Variants in ATP13A5 observed in about 807,000 individuals in gnomAD.
The protein encoded by ATP13A5 is probable cation-transporting ATPase 13A5.
ATP13A5 carries 149 observed loss-of-function variants against 150.2 expected under a neutral mutation model. The observed-to-expected ratio is 0.99, with a 90% CI of 0.87 to 1.14. The LOEUF (loss-of-function observed/expected upper bound fraction) is 1.14, where lower values mean the gene tolerates loss of function less well. ATP13A5 is among the 50% of genes most tolerant of loss of function. ATP13A5 has a pLI of 0.00. For synonymous variants in ATP13A5, 497 were observed against 522.2 expected, an observed-to-expected ratio of 0.95 and a Z score of 0.66; for missense variants, 1,383 against 1,449.3, an observed-to-expected ratio of 0.95 and a Z score of 0.74.
chr3:193,347,372 TA>T (rs61583907), intron 7 of ATP13A5, among the ~76,000 whole-genome samples: 1 of 152,062 alleles, frequency 6.6e-6, no homozygotes, highest in African/African-American at 2.4e-5. Flanking sequence ...TGAAAAATGT[TA>T]AAGTAATCTT....
chr3:193,338,215 A>T (rs1711969537), intron 9 of ATP13A5, among the ~76,000 whole-genome samples: 1 of 152,068 alleles, frequency 6.6e-6, no homozygotes, highest in South Asian at 2.1e-4. Flanking sequence ...CTAATTGAAT[A>T]CCCTTTATTT....
At chr3:193,307,843 T>G (rs141064705) in intron 21 of ATP13A5, among the ~76,000 whole-genome samples, 19 of 152,322 alleles carry the variant, frequency 1.2e-4, no homozygotes, top group African/African-American at 4.3e-4. Context: ...AGACATATAT[T>G]CATATTTTTG....
chr3:193,369,630 C>A (rs1464389344), intron 1 of ATP13A5, among the ~76,000 whole-genome samples: 2 of 151,880 alleles, frequency 1.3e-5, no homozygotes, highest in Non-Finnish European at 2.9e-5. Flanking sequence ...ATGTTTGTAC[C>A]ATAAAAGGAA....
intron 29 of ATP13A5, among the ~76,000 whole-genome samples, chr3:193,276,472 A>G (rs1717207574): frequency 6.6e-6 from 1 of 152,234 alleles, no homozygotes; most frequent in African/African-American, 2.4e-5. Flanking sequence ...AAAATATTAG[A>G]AAAGTGCAAT....
At chr3:193,277,458 C>T (rs925422695) in intron 28 of ATP13A5, among the ~76,000 whole-genome samples, 10 of 152,110 alleles carry the variant, frequency 6.6e-5, no homozygotes, top group Admixed American at 1.3e-4. Context: ...GTTACACAGC[C>T]TTTTTTCTGA....
intron 23 of ATP13A5, among the ~76,000 whole-genome samples, chr3:193,302,202 G>C (rs557937731): frequency 6.6e-6 from 1 of 152,126 alleles, no homozygotes; most frequent in Admixed American, 6.6e-5. Flanking sequence ...CAACAGAACA[G>C]GGACATGAAA....
At chr3:193,367,058 T>C (rs1041077691) in intron 1 of ATP13A5, among the ~76,000 whole-genome samples, 1 of 152,028 alleles carries the variant, frequency 6.6e-6, no homozygotes, top group African/African-American at 2.4e-5. Context: ...AATCCTTACA[T>C]AGACATTTAC....
chr3:193,327,792 T>C (rs1719520494), intron 12 of ATP13A5, among the ~76,000 whole-genome samples: 1 of 152,212 alleles, frequency 6.6e-6, no homozygotes, highest in Non-Finnish European at 1.5e-5. Context: ...CTCTGGTGTC[T>C]TGATGCAGTA....
At chr3:193,357,394 T>C (rs984938685) in intron 5 of ATP13A5, among the ~76,000 whole-genome samples, 22 of 152,184 alleles carry the variant, frequency 1.4e-4, no homozygotes, top group Admixed American at 1.2e-3. Flanking sequence ...CTGAACTGTA[T>C]TGAAATCACA....
At chr3:193,285,185 T>A (rs988296614) in intron 26 of ATP13A5, 69 bp from the exon 27 acceptor site, 4 of 1,278,364 alleles carry the variant, frequency 3.1e-6, no homozygotes, top group East Asian at 2.4e-5. Flanking sequence ...AAAAAAAAAA[T>A]AATTTAATCA....
At chr3:193,366,457 C>T (rs545982644) in intron 1 of ATP13A5, among the ~76,000 whole-genome samples, 46 of 152,010 alleles carry the variant, frequency 3.0e-4, no homozygotes, top group African/African-American at 9.9e-4. Context: ...ATTACTATCA[C>T]ACAAATTATA....
Position 193,315,106 on chromosome 3 carries a change from C to G in ATP13A5, c.2034-10G>C, listed in dbSNP as rs779073261. ...TGACTCCACTTTTTCTCTTTGTATTCAGGAGAAAATCAATATTAAAGTATA... is the reference window on the plus strand; with the variant it reads ...TGACTCCACTTTTTCTCTTTGTATTGAGGAGAAAATCAATATTAAAGTATA... On this transcript the variant is annotated splice_polypyrimidine_tract_variant and intron_variant, in intron 17 of 29. Transcript: ENST00000342358. The G allele has an allele frequency of 3.1e-6, 5 of 1,611,296 alleles. No individual in the cohort carries two copies. In the South Asian group the frequency reaches 3.3e-5, roughly 11 times the overall value.
At chr3:193,294,334 C>T (rs1486284873) in intron 25 of ATP13A5, among the ~76,000 whole-genome samples, 1 of 152,028 alleles carries the variant, frequency 6.6e-6, no homozygotes, top group Non-Finnish European at 1.5e-5. Flanking sequence ...AACAAACCCT[C>T]CCTCTATTTT....
chr3:193,292,948 C>A (rs892203501), intron 25 of ATP13A5, among the ~76,000 whole-genome samples: 1 of 152,104 alleles, frequency 6.6e-6, no homozygotes, highest in Non-Finnish European at 1.5e-5. Context: ...AATTTTATAG[C>A]TACCATTGTA....
intron 7 of ATP13A5, among the ~76,000 whole-genome samples, chr3:193,350,475 T>C (rs923826569): frequency 6.6e-6 from 1 of 152,172 alleles, no homozygotes; most frequent in Non-Finnish European, 1.5e-5. Flanking sequence ...ACTGCCTTAT[T>C]GAGTATAGAA....
chr3:193,343,426 C>T (rs544927770), intron 9 of ATP13A5, among the ~76,000 whole-genome samples: 2 of 152,258 alleles, frequency 1.3e-5, no homozygotes, highest in Admixed American at 6.5e-5. Context: ...CAGAACTGTG[C>T]GATCGTCTTT....
intron 25 of ATP13A5, 43 bp downstream of exon 25, chr3:193,299,088 A>G: frequency 1.4e-6 from 2 of 1,472,760 alleles, no homozygotes. Flanking sequence ...AGAATTTCAT[A>G]GATAAATAAA....
Position 193,299,168 on chromosome 3 carries a change from C to T in ATP13A5, c.2811G>A (p.Met937Ile). The T allele has an allele frequency of 6.2e-7, 1 of 1,610,332 alleles. No individual in the cohort carries two copies. The highest frequency in any genetic ancestry group is 1.1e-5 in the South Asian group (1 of 90,204). The change falls in exon 25 of 30, where the codon ATG becomes ATA. Residue 937 changes from methionine (M) to isoleucine (I), a missense_variant. By Grantham distance (10) the Met-to-Ile change is conservative. Transcript: ENST00000342358. Reference sequence around the variant, plus strand: ...CCATCAAAGTAATGGCTACATCTTGCATGAGATACTGGTAATTTCCAAAGA... The same window carrying T: ...CCATCAAAGTAATGGCTACATCTTGTATGAGATACTGGTAATTTCCAAAGA... ...LQLFGNYQYL[M>I]QDVAITLMVC...
chr3:193,363,487 G>T (rs75642018), intron 2 of ATP13A5, 105 bp from the exon 3 acceptor site: 2 of 1,028,334 alleles, frequency 1.9e-6, no homozygotes, highest in Middle Eastern at 3.0e-4. Flanking sequence ...CCAAACAAGC[G>T]CATCAGCTTT....
Sources: gnomAD v4.1 joint callset for allele counts (sites outside exome capture counted in the v4.1 genomes callset) on GRCh38, gnomAD v4.1.1 for gene constraint, MANE v1.5 for transcripts, NCBI Gene and HGNC (gene_info 2026-07-23, HGNC 2026-07-21) for gene names.